The following SCN4A variants were observed in gnomAD, a reference collection of about 807,000 sequenced individuals.
SCN4A encodes the protein sodium voltage-gated channel alpha subunit 4.
A neutral mutation model predicts 162.0 loss-of-function variants in SCN4A; 83 were observed. That is an observed-to-expected ratio of 0.51 (90% CI 0.43 to 0.61). The LOEUF (loss-of-function observed/expected upper bound fraction) is 0.61. Ranked by LOEUF, SCN4A falls within the 20% of genes least tolerant of loss-of-function variation. The pLI, the probability that SCN4A is intolerant of heterozygous loss-of-function variation, is 0.00. For synonymous variants in SCN4A, 944 were observed against 985.1 expected, an observed-to-expected ratio of 0.96 and a Z score of 0.78; for missense variants, 2,196 against 2,462.5, an observed-to-expected ratio of 0.89 and a Z score of 2.29.
chr17:63,951,437 G>A lies in SCN4A; in HGVS notation c.2840C>T (p.Pro947Leu). ...GCCCCGGCTCACCTTGCTATCCTCA[G>A]GCTCTGAGAAAGTGTCGGTTTCCTC... Reference protein sequence around the residue: ...TEEETDTFSEPEDSKKPPQPL... With the variant: ...TEEETDTFSELEDSKKPPQPL... The change falls in exon 14 of 24, where the codon CCT (proline) becomes CTT (leucine). Residue 947 changes from proline (P) to leucine (L), a missense_variant. Pro to Leu is a moderately conservative substitution (Grantham distance 98, BLOSUM62 -3). Coordinates refer to ENST00000435607, the MANE Select transcript of SCN4A (RefSeq NM_000334.4). This position sits in a 1 kb window ranked among gnomAD's most constrained non-coding sequence, Gnocchi z 4.5. The A allele has an allele frequency of 6.2e-7, 1 of 1,602,370 alleles. No individual in the cohort carries two copies. Among genetic ancestry groups the A allele is most frequent in the Non-Finnish European group, 8.5e-7 (1 of 1,171,054 alleles).
chr17:63,966,170 AG>A lies in SCN4A; in HGVS notation c.1173del (p.Phe392SerfsTer12), dbSNP rs1235665641. 5.6e-6 allele frequency: 9 copies of A among 1,596,552 alleles called. No homozygotes were observed. In the Admixed American group the frequency reaches 1.4e-4, roughly 25 times the overall value. Reference sequence around the variant, plus strand: ...AAGAGAGCCAAGAAGGCCCAGCTGAAGGTGTCATAGCTGGTGTAGCCATAGT... The same window carrying A: ...AAGAGAGCCAAGAAGGCCCAGCTGAAGTGTCATAGCTGGTGTAGCCATAGT... ...NPNYGYTSYD[T>X]FSWAFLALFR... On this transcript the variant is annotated frameshift_variant, in exon 8 of 24. Coordinates refer to ENST00000435607, the MANE Select transcript of SCN4A (RefSeq NM_000334.4). LOFTEE classifies it high-confidence loss of function.
rs1215362581 is a variant in SCN4A at position 63,945,325 on chromosome 17, C to T, written c.3720+35G>A. Reference sequence around the variant, plus strand: ...GGACCGGGGTGGGGGGCACCTCCATCCAGGTTCCCGGCAGGGGTGGTGGGT... The same window carrying T: ...GGACCGGGGTGGGGGGCACCTCCATTCAGGTTCCCGGCAGGGGTGGTGGGT... On this transcript the variant is annotated intron_variant, in intron 19 of 23. Coordinates refer to ENST00000435607, the MANE Select transcript of SCN4A (RefSeq NM_000334.4). The surrounding 1 kb of genome is among the most constrained non-coding windows in gnomAD (Gnocchi z 4.4). The T allele has an allele frequency of 1.3e-6, 2 of 1,581,338 alleles. No individual in the cohort carries two copies. The highest frequency in any genetic ancestry group is 3.4e-5 in the Admixed American group (2 of 59,198).
In SCN4A at chr17:63,951,954, G is replaced by C; in HGVS notation, c.2377-54C>G. On this transcript the variant is annotated intron_variant, in intron 13 of 23. Transcript: ENST00000435607. This position sits in a 1 kb window ranked among gnomAD's most constrained non-coding sequence, Gnocchi z 4.5. ...CATCAGTCCCCGGGACCCAGAGGGT[G>C]CCACCTTCAGCCAGCACAGGGGTCC... is the stretch of plus-strand genomic sequence containing the variant. 9.0e-7 allele frequency: 1 copy of C among 1,112,452 alleles called. No individual in the cohort carries two copies. The highest frequency in any genetic ancestry group is 1.6e-5 in the African/African-American group (1 of 64,094). The allele number at this position is 1,112,452 out of a possible 1,614,324, so 68.9% of individuals were successfully genotyped here.
At chr17:63,943,133 G>T in intron 22 of SCN4A, 37 bp from the exon 23 acceptor site, 1 of 1,590,168 alleles carries the variant, frequency 6.3e-7, no homozygotes, top group South Asian at 1.1e-5. Context: ...GAGGAGTTGG[G>T]GTGGCCAGGC....
rs771882801 is a variant in SCN4A at position 63,943,041 on chromosome 17, G to T, written c.4073C>A (p.Thr1358Asn). 6.2e-7 allele frequency: 1 copy of T among 1,613,944 alleles called. No homozygotes were observed. The highest frequency in any genetic ancestry group is 8.5e-7 in the Non-Finnish European group (1 of 1,179,836). The part of the protein sequence containing the change: ...DLVTKQAFDI[T>N]IMILICLNMV... ...GTTGAGGCAGATGAGGATCATGATG[G>T]TGATGTCGAAGGCCTGCTTCGTCAC... The change falls in exon 23 of 24, where the codon ACC (threonine) becomes AAC (asparagine). Residue 1358 changes from threonine (T) to asparagine (N), a missense_variant. Transcript: ENST00000435607.
rs1597980028 is a variant in SCN4A, at chr17:63,961,170, T to TCCC, written c.1845+20_1845+22dup. On this transcript the variant is annotated intron_variant, in intron 11 of 23. Transcript: ENST00000435607. ...CCCCTCCCATCCTGCCCATGAATGA[T>TCCC]CCCCTCCCCCGCCCCTCCCTACCAG... 7 of 1,015,970 alleles carry TCCC rather than the reference T, an allele frequency of 6.9e-6. No individual in the cohort carries two copies. In the Admixed American group the frequency reaches 7.5e-5, roughly 11 times the overall value. 62.9% of individuals were successfully genotyped at this position (1,015,970 alleles called of 1,614,324 possible).
chr17:63,942,952 T>C lies in SCN4A; in HGVS notation c.4162A>G (p.Ile1388Val). 1 of 1,614,010 alleles carries C rather than the reference T, an allele frequency of 6.2e-7. No homozygotes were observed. Among genetic ancestry groups the C allele is most frequent in the Non-Finnish European group, 8.5e-7 (1 of 1,179,870 alleles). Residue 1388 changes from isoleucine (I) to valine (V), a missense_variant, in exon 23 of 24, where the codon ATC becomes GTC. Ile to Val is a conservative substitution (Grantham distance 29). Coordinates refer to ENST00000435607, the MANE Select transcript of SCN4A (RefSeq NM_000334.4). ...SQLKVDILYN[I>V]NMIFIIIFTG... Reference sequence around the variant, plus strand: ...AAGATGATGATGAAGATCATGTTGATGTTGTACAGGATGTCCACCTTGAGC... The same window carrying C: ...AAGATGATGATGAAGATCATGTTGACGTTGTACAGGATGTCCACCTTGAGC...
chr17:63,943,325 A>G (rs906238373), intron 22 of SCN4A, among the ~76,000 whole-genome samples: 4 of 79,088 alleles, frequency 5.1e-5, no homozygotes, highest in African/African-American at 2.5e-4. Context: ...AGGTCATTTT[A>G]TGGGGTTCAT....
intron 7 of SCN4A, 30 bp downstream of exon 7, chr17:63,966,451 G>A: frequency 1.2e-6 from 2 of 1,602,438 alleles, no homozygotes; most frequent in South Asian, 2.2e-5. Flanking sequence ...CCCCTGGGGT[G>A]CCTTTTCTGC....
chr17:63,961,326 A>G lies in SCN4A; in HGVS notation c.1712T>C (p.Ile571Thr). The G allele has an allele frequency of 6.2e-7, 1 of 1,613,740 alleles. No homozygotes were observed. Among genetic ancestry groups the G allele is most frequent in the Non-Finnish European group, 8.5e-7 (1 of 1,179,762 alleles). The stretch of plus-strand genomic sequence containing the variant: ...GAACGGGTCCATGACGATCAGGTGG[A>G]TGATGTTCTTGAACTTCAGCCACGG... ...CAPWLKFKNI[I>T]HLIVMDPFVD... Residue 571 changes from isoleucine to threonine, a missense_variant, in exon 11 of 24, where the codon ATC becomes ACC. Physicochemically the swap from Ile to Thr is moderately conservative, Grantham distance 89 (BLOSUM62 -1). Coordinates refer to ENST00000435607, the MANE Select transcript of SCN4A (RefSeq NM_000334.4).
chr17:63,954,747 C>A (rs1303509415), intron 13 of SCN4A, among the ~76,000 whole-genome samples: 3 of 152,152 alleles, frequency 2.0e-5, no homozygotes, highest in Admixed American at 1.3e-4. Context: ...CCTCCCTGGG[C>A]CGTTCCACTC....
Position 63,957,488 on chromosome 17 carries a change from G to C in SCN4A, c.2050C>G (p.Pro684Ala). ...ATCTTGATGAGCATGTTCAGCGTTG[G>C]CCACGACTTGGCCAGCTTGAAGACC... ...LRVFKLAKSW[P>A]TLNMLIKIIG... The change falls in exon 13 of 24, where the codon CCA becomes GCA. Residue 684 changes from proline (P) to alanine (A), a missense_variant. Physicochemically the swap from Pro to Ala is conservative, Grantham distance 27 (BLOSUM62 -1). Coordinates refer to ENST00000435607, the MANE Select transcript of SCN4A (RefSeq NM_000334.4). 6.2e-7 allele frequency: 1 copy of C among 1,612,658 alleles called. No homozygotes were observed. Among genetic ancestry groups the C allele is most frequent in the Non-Finnish European group, 8.5e-7 (1 of 1,178,810 alleles).
intron 5 of SCN4A, 116 bp from the exon 6 acceptor site, chr17:63,968,471 A>G (rs1909524140): frequency 1.3e-6 from 1 of 760,778 alleles, no homozygotes; most frequent in Admixed American, 2.7e-5. Context: ...TGACTTACTG[A>G]GCACCACTAC....
chr17:63,954,728 AC>A (rs1431375315), intron 13 of SCN4A, among the ~76,000 whole-genome samples: 1 of 152,138 alleles, frequency 6.6e-6, no homozygotes, highest in Non-Finnish European at 1.5e-5. Flanking sequence ...CAAGGAGCTG[AC>A]AGTGCCACCT....
intron 8 of SCN4A, 137 bp from the exon 9 acceptor site, chr17:63,964,814 T>TCATTGG: frequency 1.5e-6 from 1 of 666,500 alleles, no homozygotes; most frequent in Non-Finnish European, 2.6e-6. Flanking sequence ...CTGATGGCCG[T>TCATTGG]CATTGGCATG....
At position 63,944,650 on chromosome 17, in the gene SCN4A, C is replaced by A; in HGVS notation, c.3912+23G>T. 1 of 1,584,012 alleles carries A rather than the reference C, an allele frequency of 6.3e-7. No individual in the cohort carries two copies. The highest frequency in any genetic ancestry group is 1.1e-5 in the South Asian group (1 of 86,972). ...AGGGAGGCCCAGCACCGGGAGGGCC[C>A]GAGGGGCTGGGCTGATACTCATCTT... On this transcript the variant is annotated intron_variant, in intron 21 of 23. Coordinates refer to ENST00000435607, the MANE Select transcript of SCN4A (RefSeq NM_000334.4). The surrounding 1 kb of genome is among the most constrained non-coding windows in gnomAD (Gnocchi z 4.3).
rs778996581 is a variant in SCN4A, at chr17:63,941,608, C to T, written c.4674G>A (p.Glu1558=). Residue 1558 remains glutamate, a synonymous_variant, in exon 24 of 24, where the codon GAG becomes GAA. Coordinates refer to ENST00000435607, the MANE Select transcript of SCN4A (RefSeq NM_000334.4). This position sits in a 1 kb window ranked among gnomAD's most constrained non-coding sequence, Gnocchi z 6.2. ...CACCCTTGACACTGGTGCCCGGGTT[C>T]TCCAGGTTGGGGTCACAGTCTGGGG... ...SGPPDCDPNL[E]NPGTSVKGDC... 6.2e-7 allele frequency: 1 copy of T among 1,614,016 alleles called. No individual in the cohort carries two copies. Among genetic ancestry groups the T allele is most frequent in the African/African-American group, 1.3e-5 (1 of 74,992 alleles).
rs1555601588 is a variant in SCN4A, at chr17:63,946,475, C to CCG, written c.3441+569_3441+570insCG. 9.6e-4 allele frequency among the ~76,000 whole-genome samples: 112 copies of CCG among 116,250 alleles called. 4 individuals are homozygous for CCG. The highest frequency in any genetic ancestry group is 5.5e-3 in the African/African-American group (109 of 19,792). The allele number at this position is 116,250 out of a possible 152,430, so 76.3% of individuals were successfully genotyped here. ...CCCATTTTTCTTGCCCCCCCCCCCA[C>CCG]CCCGCCGCAACCCTGTGTTTACCTG... On this transcript the variant is annotated intron_variant, in intron 18 of 23. Transcript: ENST00000435607.
In SCN4A at chr17:63,941,440, T is replaced by A. The variant is rs1321251168; in HGVS notation, c.4842A>T (p.Glu1614Asp). 1 of 1,614,170 alleles carries A rather than the reference T, an allele frequency of 6.2e-7. No individual in the cohort carries two copies. Among genetic ancestry groups the A allele is most frequent in the East Asian group, 2.2e-5 (1 of 44,886 alleles). The change falls in exon 24 of 24, where the codon GAA becomes GAT. Residue 1614 changes from glutamate (E) to aspartate (D), a missense_variant. Transcript: ENST00000435607. This position sits in a 1 kb window ranked among gnomAD's most constrained non-coding sequence, Gnocchi z 6.2. ...TCTCGTAGAACATCTCAAAGTCATC[T>A]TCACCAAGGGGCTCGCTGCTCTCCT... ...ATEESSEPLGEDDFEMFYETW... is the reference protein window; with the variant it reads ...ATEESSEPLGDDDFEMFYETW...
Sources: allele counts gnomAD v4.1 joint callset (sites outside exome capture counted in the v4.1 genomes callset), GRCh38; gene constraint gnomAD v4.1.1; non-coding constraint Gnocchi (gnomAD v3.1); transcripts MANE v1.5; gene names NCBI Gene and HGNC (gene_info 2026-07-23, HGNC 2026-07-21).